The following NR5A2 variants were observed in gnomAD, a reference collection of about 807,000 sequenced individuals.
NR5A2 encodes the protein nuclear receptor subfamily 5 group A member 2.
A neutral mutation model predicts 62.7 loss-of-function variants in NR5A2; 26 were observed. The observed-to-expected ratio is 0.41, with a 90% confidence interval of 0.30 to 0.58. The LOEUF (loss-of-function observed/expected upper bound fraction) is 0.58, where lower values mean the gene tolerates loss of function less well. Among genes scored for constraint, NR5A2 ranks in the 20% least tolerant of loss-of-function variants. The pLI is 0.22. For synonymous variants in NR5A2, 246 were observed against 241.7 expected, an observed-to-expected ratio of 1.02 and a Z score of -0.16; for missense variants, 541 against 669.1, an observed-to-expected ratio of 0.81 and a Z score of 2.11.
intron 5 of NR5A2, among the ~76,000 whole-genome samples, chr1:200,052,272 T>TC (rs772556331): frequency 1.5e-4 from 23 of 152,272 alleles, no homozygotes; most frequent in Admixed American, 2.0e-4. Flanking sequence ...ACAGCCTGAG[T>TC]CCCCACCCTA....
chr1:200,047,597 CAG>C (rs934028066), intron 4 of NR5A2, among the ~76,000 whole-genome samples: 8 of 78,330 alleles, frequency 1.0e-4, no homozygotes, highest in Middle Eastern at 6.5e-3. Context: ...TTTTTTGAGA[CAG>C]GGGTTTCACT....
intron 5 of NR5A2, among the ~76,000 whole-genome samples, chr1:200,110,104 C>G (rs1276323394): frequency 6.6e-6 from 1 of 152,184 alleles, no homozygotes. Flanking sequence ...CTCTGACACC[C>G]CTGTTTTCTC....
intron 7 of NR5A2, among the ~76,000 whole-genome samples, chr1:200,172,587 C>T (rs1654231229): frequency 6.6e-6 from 1 of 152,130 alleles, no homozygotes; most frequent in Non-Finnish European, 1.5e-5. Context: ...GGGTCAGAGA[C>T]TTGGGGATGG....
At chr1:200,076,870 AACTC>A (rs1483311488) in intron 5 of NR5A2, among the ~76,000 whole-genome samples, 4 of 152,316 alleles carry the variant, frequency 2.6e-5, no homozygotes, top group South Asian at 4.1e-4. Context: ...AACTTCCACT[AACTC>A]ACTCACTGTT....
At chr1:200,157,031 C>A (rs1653421765) in intron 7 of NR5A2, among the ~76,000 whole-genome samples, 1 of 152,136 alleles carries the variant, frequency 6.6e-6, no homozygotes, top group South Asian at 2.1e-4. Flanking sequence ...TCTGACCTTT[C>A]CTTATAATAG....
Position 200,039,820 on chromosome 1 carries a change from C to G in NR5A2, c.202+25C>G. ...GGTAAGGAGGCGCCGCGCGGCGCTC[C>G]GGCTCCCGCTGCTTCCCCACCCCCG... On this transcript the variant is annotated intron_variant, in intron 2 of 7. Transcript: ENST00000367362. This position sits in a 1 kb window ranked among gnomAD's most constrained non-coding sequence, Gnocchi z 5.1. 3 of 1,585,224 alleles carry G rather than the reference C, an allele frequency of 1.9e-6. No individual in the cohort carries two copies. Among genetic ancestry groups the G allele is most frequent in the South Asian group, 1.1e-5 (1 of 88,834 alleles).
intron 7 of NR5A2, among the ~76,000 whole-genome samples, chr1:200,168,639 T>A (rs960005666): frequency 2.0e-5 from 3 of 152,204 alleles, no homozygotes; most frequent in African/African-American, 7.2e-5. Flanking sequence ...ATTTAAAATC[T>A]TGAGTTTCAG....
rs762661397 is a variant in NR5A2 at position 200,128,719 on chromosome 1, G to A, written c.1378+7764G>A. Among the ~76,000 whole-genome samples the A allele has an allele frequency of 2.0e-5, 3 of 152,138 alleles. No homozygotes were observed. The South Asian group carries it at 6.2e-4, about 31-fold the overall frequency. On this transcript the variant is annotated intron_variant, in intron 7 of 7. Transcript: ENST00000367362. ...AGGGTGGAGTGGGGGTGGTGGGCAG[G>A]CAGAGAGGAGTGTAGTAAGTTTGTA...
At chr1:200,061,120 CAAAAAAA>C (rs34729240) in intron 5 of NR5A2, among the ~76,000 whole-genome samples, 4 of 75,396 alleles carry the variant, frequency 5.3e-5, no homozygotes, top group South Asian at 1.0e-3. Flanking sequence ...AACTCCGTCT[CAAAAAAA>C]AAAAAAAAAA....
chr1:200,042,362 G>T (rs935443785), intron 2 of NR5A2, among the ~76,000 whole-genome samples: 3 of 152,132 alleles, frequency 2.0e-5, no homozygotes, highest in African/African-American at 7.2e-5. Context: ...CTTTCCGACC[G>T]AAGAGCTCGG....
intron 5 of NR5A2, among the ~76,000 whole-genome samples, chr1:200,079,497 C>T (rs566504515): frequency 2.6e-5 from 4 of 152,320 alleles, no homozygotes; most frequent in Admixed American, 6.5e-5. Context: ...GGCCCTGGAG[C>T]GATTCCACAA....
chr1:200,167,487 T>A (rs1653959181), intron 7 of NR5A2, among the ~76,000 whole-genome samples: 1 of 152,204 alleles, frequency 6.6e-6, no homozygotes, highest in Admixed American at 6.5e-5. Flanking sequence ...AGCAGGATCC[T>A]GGCTGGTCTC....
chr1:200,082,933 A>G (rs1376722418), intron 5 of NR5A2, among the ~76,000 whole-genome samples: 7 of 152,184 alleles, frequency 4.6e-5, no homozygotes, highest in Non-Finnish European at 1.0e-4. Flanking sequence ...CCCTTCCAAC[A>G]TATACCCTAA....
chr1:200,112,314 CCA>C lies in NR5A2; in HGVS notation c.1230+994_1230+995del, dbSNP rs552448383. Among the ~76,000 whole-genome samples the C allele has an allele frequency of 2.4e-4, 37 of 152,272 alleles. No individual in the cohort carries two copies. In the East Asian group the frequency reaches 5.2e-3, roughly 21 times the overall value. ...TTTACAGGAATTTAGGCAAGTCTCT[CCA>C]GTTTCTTAACCCTCCGTTCTACAAC... On this transcript the variant is annotated intron_variant, in intron 6 of 7. Transcript: ENST00000367362.
intron 5 of NR5A2, among the ~76,000 whole-genome samples, chr1:200,082,877 C>T (rs1392502574): frequency 6.6e-6 from 1 of 152,146 alleles, no homozygotes; most frequent in Non-Finnish European, 1.5e-5. Flanking sequence ...AAAAGGCATG[C>T]AACCTACCTG....
intron 5 of NR5A2, among the ~76,000 whole-genome samples, chr1:200,093,859 T>C (rs537908632): frequency 2.0e-5 from 3 of 152,286 alleles, no homozygotes; most frequent in African/African-American, 4.8e-5. Flanking sequence ...TATTTCTAAA[T>C]TTTTAAAAAT....
intron 7 of NR5A2, among the ~76,000 whole-genome samples, chr1:200,156,291 G>A (rs893482884): frequency 6.6e-6 from 1 of 152,218 alleles, no homozygotes; most frequent in Non-Finnish European, 1.5e-5. Flanking sequence ...CCTCAGGGGA[G>A]AGGTCAGAGC....
rs1265379900 is a variant in NR5A2, at chr1:200,150,063, TGGA to T, written c.1379-23899_1379-23897del. 5.3e-5 allele frequency among the ~76,000 whole-genome samples: 8 copies of T among 152,112 alleles called. 1 individual carries two copies. The highest frequency in any genetic ancestry group is 4.1e-4 in the South Asian group (2 of 4,826). Reference sequence around the variant, plus strand: ...TATAATGGATGGATGGATGGATGGATGGATGGTTGGTTGGATGGATAAACATTA... The same window carrying T: ...TATAATGGATGGATGGATGGATGGATTGGTTGGTTGGATGGATAAACATTA... On this transcript the variant is annotated intron_variant, in intron 7 of 7. Transcript: ENST00000367362.
intron 5 of NR5A2, among the ~76,000 whole-genome samples, chr1:200,099,731 C>T (rs916821762): frequency 9.2e-5 from 14 of 152,106 alleles, no homozygotes; most frequent in African/African-American, 3.4e-4. Flanking sequence ...ATAGCTGGGA[C>T]TACAGGCACG....
Sources: allele counts gnomAD v4.1 joint callset (sites outside exome capture counted in the v4.1 genomes callset), GRCh38; gene constraint gnomAD v4.1.1; non-coding constraint Gnocchi (gnomAD v3.1); transcripts MANE v1.5; gene names NCBI Gene and HGNC (gene_info 2026-07-23, HGNC 2026-07-21).